AFF2: variants seen among roughly 807,000 people sequenced by gnomAD.
AFF2 encodes the protein AF4/FMR2 family member 2.
AFF2 carries 14 observed loss-of-function variants against 76.9 expected under a neutral mutation model. That is an observed-to-expected ratio of 0.18 (90% CI 0.12 to 0.28). The LOEUF (loss-of-function observed/expected upper bound fraction) is 0.28, where lower values mean the gene tolerates loss of function less well. Ranked by LOEUF, AFF2 falls within the 10% of genes least tolerant of loss-of-function variation. The probability of loss-of-function intolerance (pLI) is 1.00; values close to 1 mark genes in which losing one functional copy is unlikely to be tolerated. For missense variants in AFF2, 868 were observed against 1,001.1 expected, an observed-to-expected ratio of 0.87 and a Z score of 1.79; for synonymous variants, 398 against 366.7, an observed-to-expected ratio of 1.09 and a Z score of -0.98.
intron 13 of AFF2, among the ~76,000 whole-genome samples, chrX:148,965,703 C>G (rs1334500871): frequency 8.9e-6 from 1 of 112,371 alleles, no homozygotes; most frequent in Admixed American, 9.4e-5. Flanking sequence ...AAGATGGTCA[C>G]TGTAGGCTGG....
intron 3 of AFF2, among the ~76,000 whole-genome samples, chrX:148,739,519 G>T (rs904386261): frequency 9.0e-6 from 1 of 110,836 alleles, no homozygotes; most frequent in Non-Finnish European, 1.9e-5. Context: ...AGTTTATGTG[G>T]GTCCTTATGT....
intron 1 of AFF2, among the ~76,000 whole-genome samples, chrX:148,649,921 A>G (rs1275207347): frequency 2.7e-5 from 3 of 111,875 alleles, no homozygotes; most frequent in African/African-American, 9.8e-5. Flanking sequence ...CAAAATGAAC[A>G]GATAGCTAGA....
At chrX:148,577,738 G>A (rs2053307188) in intron 1 of AFF2, among the ~76,000 whole-genome samples, 1 of 111,748 alleles carries the variant, frequency 8.9e-6, no homozygotes, top group Non-Finnish European at 1.9e-5. Context: ...GATCTTCCTC[G>A]GAGCTCCAGA....
intron 1 of AFF2, among the ~76,000 whole-genome samples, chrX:148,575,898 C>T (rs1238787553): frequency 9.1e-6 from 1 of 109,435 alleles, no homozygotes; most frequent in African/African-American, 3.3e-5. Context: ...AATAACATTT[C>T]TGACTCCTCA....
chrX:148,720,856 C>T (rs1022484230), intron 3 of AFF2, among the ~76,000 whole-genome samples: 3 of 111,744 alleles, frequency 2.7e-5, no homozygotes, highest in African/African-American at 9.7e-5. Context: ...GGTCTAGAAT[C>T]ATTCTTTTCT....
At chrX:148,793,601 C>T (rs782365492) in intron 3 of AFF2, among the ~76,000 whole-genome samples, 2 of 111,500 alleles carry the variant, frequency 1.8e-5, no homozygotes, top group Admixed American at 9.5e-5. Context: ...TGAATTAAAT[C>T]GTAATCAATT....
At chrX:148,649,204 A>G (rs1227541248) in intron 1 of AFF2, among the ~76,000 whole-genome samples, 1 of 112,047 alleles carries the variant, frequency 8.9e-6, no homozygotes, top group East Asian at 2.8e-4. Context: ...AATTTAATTG[A>G]GTAGATAAAG....
chrX:148,750,902 T>C (rs1346081700), intron 3 of AFF2, among the ~76,000 whole-genome samples: 1 of 111,808 alleles, frequency 8.9e-6, no homozygotes, highest in Non-Finnish European at 1.9e-5. Context: ...TCATTCTTAA[T>C]GACCATATCT....
At chrX:148,739,905 G>C (rs1557265472) in intron 3 of AFF2, among the ~76,000 whole-genome samples, 1 of 111,603 alleles carries the variant, frequency 9.0e-6, no homozygotes. Flanking sequence ...CTTCATATAT[G>C]ATGTGTACTT....
intron 1 of AFF2, among the ~76,000 whole-genome samples, chrX:148,577,540 T>A (rs1557243685): frequency 8.9e-6 from 1 of 112,061 alleles, no homozygotes; most frequent in East Asian, 2.8e-4. Context: ...AGTAATACCA[T>A]TAACAAATAA....
At chrX:148,709,813 A>G (rs2054941043) in intron 3 of AFF2, among the ~76,000 whole-genome samples, 1 of 112,000 alleles carries the variant, frequency 8.9e-6, no homozygotes, top group Admixed American at 9.5e-5. Context: ...ATCTCGCTTC[A>G]ATTGTCTGTC....
chrX:148,715,064 G>C, intron 3 of AFF2, among the ~76,000 whole-genome samples: 1 of 110,846 alleles, frequency 9.0e-6, no homozygotes, highest in Admixed American at 9.6e-5. Context: ...CAGGAATGCC[G>C]TCACTGCAGA....
At chrX:148,816,575 T>C (rs2070266921) in intron 4 of AFF2, among the ~76,000 whole-genome samples, 1 of 111,236 alleles carries the variant, frequency 9.0e-6, no homozygotes, top group South Asian at 3.8e-4. Flanking sequence ...ATTAGAATAA[T>C]GAGAATGGGC....
intron 7 of AFF2, among the ~76,000 whole-genome samples, chrX:148,868,893 C>A (rs1487835775): frequency 8.9e-6 from 1 of 112,264 alleles, no homozygotes; most frequent in South Asian, 3.7e-4. Context: ...AAGGCACTAA[C>A]CCCATGTTTA....
At chrX:148,916,779 C>T (rs2071538187) in intron 9 of AFF2, among the ~76,000 whole-genome samples, 1 of 111,860 alleles carries the variant, frequency 8.9e-6, no homozygotes, top group African/African-American at 3.3e-5. Context: ...TTCTCTCTCT[C>T]TCACTCTGTC....
Position 148,995,635 on chromosome X carries a change from T to C in AFF2, c.*4303T>C, listed in dbSNP as rs2072589907. The C allele has an allele frequency of 8.8e-6, 1 of 113,166 alleles. No homozygotes were observed. Among genetic ancestry groups the C allele is most frequent in the South Asian group, 3.6e-4 (1 of 2,741 alleles). 9.3% of individuals were successfully genotyped at this position (113,166 alleles called of 1,213,427 possible). On this transcript the variant is annotated 3_prime_UTR_variant, in exon 21 of 21. Coordinates refer to ENST00000370460, the MANE Select transcript of AFF2 (RefSeq NM_002025.4). Reference sequence around the variant, plus strand: ...AACTGCTTTTTAGATCCATGATCAGTCATCATTCTTCTAAGAGATTGGAGC... The same window carrying C: ...AACTGCTTTTTAGATCCATGATCAGCCATCATTCTTCTAAGAGATTGGAGC...
chrX:148,964,932 A>C (rs185058207), intron 13 of AFF2, among the ~76,000 whole-genome samples: 1 of 113,034 alleles, frequency 8.8e-6, no homozygotes, highest in African/African-American at 3.2e-5. Context: ...AAATCAGGAA[A>C]GTGAAAAAAG....
chrX:148,778,618 T>A (rs2069699854), intron 3 of AFF2, among the ~76,000 whole-genome samples: 1 of 111,911 alleles, frequency 8.9e-6, no homozygotes, highest in African/African-American at 3.3e-5. Flanking sequence ...TTCTTCTAGA[T>A]TTTCTAGTTT....
At chrX:148,524,137 G>C (rs1009299988) in intron 1 of AFF2, among the ~76,000 whole-genome samples, 11 of 107,396 alleles carry the variant, frequency 1.0e-4, no homozygotes, top group Non-Finnish European at 1.7e-4. Flanking sequence ...GTGTGTGTGT[G>C]TGTGTGTGTG....
Sources: allele counts gnomAD v4.1 joint callset (sites outside exome capture counted in the v4.1 genomes callset), GRCh38; gene constraint gnomAD v4.1.1; transcripts MANE v1.5; gene names NCBI Gene and HGNC (gene_info 2026-07-23, HGNC 2026-07-21).